GRID1: variants seen among roughly 807,000 people sequenced by gnomAD.
GRID1 encodes the protein glutamate receptor ionotropic, delta-1.
In GRID1, 28 loss-of-function variants were observed where a neutral mutation model predicts 98.0. The ratio of observed to expected loss-of-function variants is 0.29; its 90% confidence interval spans 0.21 to 0.39. The LOEUF is 0.39. Among genes scored for constraint, GRID1 ranks in the 10% least tolerant of loss-of-function variants. The probability of loss-of-function intolerance (pLI) is 1.00; values close to 1 mark genes in which losing one functional copy is unlikely to be tolerated. For missense variants in GRID1, 1,111 were observed against 1,340.5 expected, an observed-to-expected ratio of 0.83 and a Z score of 2.67; for synonymous variants, 553 against 538.5, an observed-to-expected ratio of 1.03 and a Z score of -0.37.
chr10:85,818,362 A>G (rs528526360), intron 8 of GRID1, among the ~76,000 whole-genome samples: 30 of 152,302 alleles, frequency 2.0e-4, no homozygotes, highest in Admixed American at 1.8e-3. Context: ...AGACAGACAG[A>G]CAGAAATAGA....
intron 15 of GRID1, among the ~76,000 whole-genome samples, chr10:85,610,034 C>T (rs578246785): frequency 2.0e-5 from 3 of 152,148 alleles, no homozygotes; most frequent in Non-Finnish European, 4.4e-5. Flanking sequence ...TAAACTGTGA[C>T]GACATCCTAG....
At chr10:86,298,073 TAGAA>T (rs1847621115) in intron 2 of GRID1, among the ~76,000 whole-genome samples, 1 of 152,186 alleles carries the variant, frequency 6.6e-6, no homozygotes, top group Non-Finnish European at 1.5e-5. Context: ...AATAATTCGT[TAGAA>T]AGAAATGACT....
chr10:85,774,280 G>A (rs1011008494), intron 8 of GRID1, among the ~76,000 whole-genome samples: 10 of 152,002 alleles, frequency 6.6e-5, no homozygotes, highest in African/African-American at 9.7e-5. Flanking sequence ...ATATGTAGAA[G>A]GCTGAAACTG....
intron 3 of GRID1, among the ~76,000 whole-genome samples, chr10:86,171,685 A>T (rs573276947): frequency 6.4e-4 from 97 of 152,352 alleles, no homozygotes; most frequent in African/African-American, 2.3e-3. Context: ...AAGACCAAAA[A>T]GTTGGAGCAA....
rs574959949 is a variant in GRID1 at position 86,231,632 on chromosome 10, G to C, written c.236-24984C>G. 2.6e-5 allele frequency among the ~76,000 whole-genome samples: 4 copies of C among 152,262 alleles called. No individual in the cohort carries two copies. The South Asian group carries it at 8.3e-4, about 32-fold the overall frequency. Reference sequence around the variant, plus strand: ...TCTGTAGGCCTCAGCTTTCCCATTTGATAAATGGGAAGAATAACCTGTCCA... The same window carrying C: ...TCTGTAGGCCTCAGCTTTCCCATTTCATAAATGGGAAGAATAACCTGTCCA... On this transcript the variant is annotated intron_variant, in intron 2 of 15. Coordinates refer to ENST00000327946, the MANE Select transcript of GRID1 (RefSeq NM_017551.3).
At chr10:86,027,681 G>T (rs986982533) in intron 4 of GRID1, among the ~76,000 whole-genome samples, 13 of 152,152 alleles carry the variant, frequency 8.5e-5, no homozygotes, top group African/African-American at 2.9e-4. Flanking sequence ...GTCCATTTGA[G>T]ACCAAGTTTC....
intron 2 of GRID1, among the ~76,000 whole-genome samples, chr10:86,245,806 G>A (rs1359410158): frequency 2.6e-5 from 4 of 152,262 alleles, no homozygotes; most frequent in Non-Finnish European, 4.4e-5. Flanking sequence ...ACAGCTGGCC[G>A]GCCTTGGGCA....
At chr10:85,778,408 C>G (rs918128724) in intron 8 of GRID1, among the ~76,000 whole-genome samples, 1 of 152,182 alleles carries the variant, frequency 6.6e-6, no homozygotes, top group Non-Finnish European at 1.5e-5. Flanking sequence ...TGAAATGCCA[C>G]TCCAGGGCTA....
chr10:86,241,404 C>CACG (rs1846630926), intron 2 of GRID1, among the ~76,000 whole-genome samples: 1 of 152,216 alleles, frequency 6.6e-6, no homozygotes, highest in African/African-American at 2.4e-5. Context: ...GGCATCTTTA[C>CACG]AGGGGGGCCC....
At chr10:86,349,833 C>T (rs1425440400) in intron 2 of GRID1, among the ~76,000 whole-genome samples, 2 of 152,224 alleles carry the variant, frequency 1.3e-5, no homozygotes, top group East Asian at 1.9e-4. Flanking sequence ...AGCCACATAC[C>T]AGGCTTGGCT....
At chr10:86,221,133 G>A (rs1846248825) in intron 2 of GRID1, among the ~76,000 whole-genome samples, 1 of 152,240 alleles carries the variant, frequency 6.6e-6, no homozygotes, top group Non-Finnish European at 1.5e-5. Flanking sequence ...AGGTGCTTCA[G>A]AGCAGTCGGG....
chr10:86,336,849 T>TTTC (rs386372012), intron 2 of GRID1, among the ~76,000 whole-genome samples: 1 of 900 alleles, frequency 1.1e-3, no homozygotes, highest in East Asian at 0.038. Context: ...TGGCCCACTA[T>TTTC]TTTTTTTTTT....
chr10:85,979,151 G>A (rs1842511318), intron 4 of GRID1, among the ~76,000 whole-genome samples: 1 of 152,116 alleles, frequency 6.6e-6, no homozygotes, highest in Non-Finnish European at 1.5e-5. Context: ...GGTTGTGAGT[G>A]CACAGAGGAA....
intron 4 of GRID1, among the ~76,000 whole-genome samples, chr10:85,989,623 A>G (rs1012277256): frequency 2.0e-5 from 3 of 152,178 alleles, no homozygotes; most frequent in African/African-American, 7.2e-5. Context: ...TGAGAATCTA[A>G]CTAGTGCCTG....
At chr10:86,005,875 A>C (rs1290930996) in intron 4 of GRID1, among the ~76,000 whole-genome samples, 4 of 152,222 alleles carry the variant, frequency 2.6e-5, no homozygotes, top group Admixed American at 6.5e-5. Context: ...GAAGATATAT[A>C]ACATACTTGT....
In GRID1 at chr10:86,019,480, AC is replaced by A. The variant is rs373357453; in HGVS notation, c.727-103242del. Among the ~76,000 whole-genome samples, 408 of 150,248 alleles carry A rather than the reference AC, an allele frequency of 2.7e-3. 2 individuals are homozygous for A. Among genetic ancestry groups the A allele is most frequent in the Middle Eastern group, 0.014 (4 of 290 alleles). ...GGGCATTTCCCCTTTCCTGCCCATG[AC>A]CCCCCTCCATTCCAACCACACCCTG... is the stretch of plus-strand genomic sequence containing the variant. On this transcript the variant is annotated intron_variant, in intron 4 of 15. Coordinates refer to ENST00000327946, the MANE Select transcript of GRID1 (RefSeq NM_017551.3).
At chr10:86,269,675 T>C (rs759122554) in intron 2 of GRID1, among the ~76,000 whole-genome samples, 3 of 152,234 alleles carry the variant, frequency 2.0e-5, no homozygotes, top group Non-Finnish European at 2.9e-5. Flanking sequence ...CATCTAGGGC[T>C]GCTTTCACTC....
intron 2 of GRID1, among the ~76,000 whole-genome samples, chr10:86,337,276 T>G (rs1848236381): frequency 6.6e-6 from 1 of 152,160 alleles, no homozygotes; most frequent in Non-Finnish European, 1.5e-5. Flanking sequence ...CCAACCTGCA[T>G]GTAGGCAGGA....
rs143825245 is a variant in GRID1, at chr10:85,698,071, A to T, written c.1997+24932T>A. ...ATAAAGTCAGCAGGTGACAAAAAAT[A>T]AAAAAACGAATAATACCAAGGGTAA... On this transcript the variant is annotated intron_variant, in intron 12 of 15. Transcript: ENST00000327946. Among the ~76,000 whole-genome samples, 689 of 152,268 alleles carry T rather than the reference A, an allele frequency of 4.5e-3. 8 individuals carry two copies. Among genetic ancestry groups the T allele is most frequent in the African/African-American group, 0.016 (662 of 41,560 alleles).
Sources: gnomAD v4.1 joint callset for allele counts (sites outside exome capture counted in the v4.1 genomes callset) on GRCh38, gnomAD v4.1.1 for gene constraint, MANE v1.5 for transcripts, NCBI Gene and HGNC (gene_info 2026-07-23, HGNC 2026-07-21) for gene names.